The following BICRA variants were observed in gnomAD, a reference collection of about 807,000 sequenced individuals.
BICRA encodes BRD4-interacting chromatin-remodeling complex-associated protein.
A neutral mutation model predicts 96.9 loss-of-function variants in BICRA; 31 were observed. The ratio of observed to expected loss-of-function variants is 0.32; its 90% CI spans 0.24 to 0.43. The LOEUF is 0.43. BICRA is among the 20% of genes least tolerant of loss of function. BICRA has a pLI of 1.00. For synonymous variants in BICRA, 1,350 were observed against 1,071.8 expected, an observed-to-expected ratio of 1.26 and a Z score of -5.07; for missense variants, 2,283 against 2,190.3, an observed-to-expected ratio of 1.04 and a Z score of -0.84.
chr19:47,670,165 G>A (rs959621730), intron 1 of BICRA, among the ~76,000 whole-genome samples: 3 of 149,690 alleles, frequency 2.0e-5, no homozygotes, highest in Non-Finnish European at 3.0e-5. Flanking sequence ...GCCTAGCCAC[G>A]CTGGTCTCGA....
At chr19:47,672,015 A>G in intron 2 of BICRA, among the ~76,000 whole-genome samples, 1 of 122,008 alleles carries the variant, frequency 8.2e-6, no homozygotes, top group Admixed American at 8.5e-5. Context: ...ATTGGTAGGT[A>G]GATGTATGGA....
rs1056182439 is a variant in BICRA, at chr19:47,680,123, G to C, written c.953G>C (p.Gly318Ala). Residue 318 changes from glycine to alanine, a missense_variant, in exon 6 of 15, where the codon GGG becomes GCG. Gly to Ala is a moderately conservative substitution (Grantham distance 60). Coordinates refer to ENST00000594866, the MANE Select transcript of BICRA (RefSeq NM_001394372.1). The stretch of plus-strand genomic sequence containing the variant: ...GCGGGGGCCGCCTCGGCTCCCACCG[G>C]GACGCCCTCGGGACAGCCGCTGGCG... ...GGAGAASAPT[G>A]TPSGQPLAVA... is the part of the protein sequence containing the mutation. 105 of 1,525,740 alleles carry C rather than the reference G, an allele frequency of 6.9e-5. No individual in the cohort carries two copies. The highest frequency in any genetic ancestry group is 9.1e-5 in the Non-Finnish European group (104 of 1,147,808). 94.5% of individuals were successfully genotyped at this position (1,525,740 alleles called of 1,614,324 possible).
rs73940902 is a variant in BICRA at position 47,613,772 on chromosome 19, G to T, written c.-108+4604G>T. Reference sequence around the variant, plus strand: ...GGTTCCGTCCCTCGCATTCTCCTCTGCCTGGAGTACCACCAGTAGAGTTTT... The same window carrying T: ...GGTTCCGTCCCTCGCATTCTCCTCTTCCTGGAGTACCACCAGTAGAGTTTT... On this transcript the variant is annotated intron_variant, in intron 1 of 14. Transcript: ENST00000594866. Among the ~76,000 whole-genome samples the T allele has an allele frequency of 7.0e-3, 1,068 of 151,934 alleles. 21 individuals are homozygous for T. Among genetic ancestry groups the T allele is most frequent in the African/African-American group, 0.024 (996 of 41,286 alleles).
In BICRA at chr19:47,613,556, C is replaced by T. The variant is rs73940899; in HGVS notation, c.-108+4388C>T. The stretch of plus-strand genomic sequence containing the variant: ...TAGAAACAAGAGCAGTCACCCGTGC[C>T]GTGTCCACGATGACAACTGCTGCCT... On this transcript the variant is annotated intron_variant, in intron 1 of 14. Coordinates refer to ENST00000594866, the MANE Select transcript of BICRA (RefSeq NM_001394372.1). 6.8e-3 allele frequency among the ~76,000 whole-genome samples: 1,040 copies of T among 152,274 alleles called. 20 individuals carry two copies. Among genetic ancestry groups the T allele is most frequent in the African/African-American group, 0.023 (968 of 41,546 alleles).
intron 7 of BICRA, among the ~76,000 whole-genome samples, chr19:47,685,786 T>TGTGTGTGTGTGTGCGCGCGC: frequency 1.0e-4 from 12 of 117,968 alleles, no homozygotes; most frequent in African/African-American, 3.3e-4. Context: ...TGTGTGTGTG[T>TGTGTGTGTGTGTGCGCGCGC]GCGCGCGCGC....
chr19:47,613,764 TCTC>T (rs1222952896), intron 1 of BICRA, among the ~76,000 whole-genome samples: 1 of 151,870 alleles, frequency 6.6e-6, no homozygotes, highest in African/African-American at 2.4e-5. Flanking sequence ...TCCCTCGCAT[TCTC>T]CTCTGCCTGG....
intron 1 of BICRA, among the ~76,000 whole-genome samples, chr19:47,639,523 G>T (rs1199619942): frequency 1.3e-5 from 2 of 150,848 alleles, no homozygotes; most frequent in Non-Finnish European, 2.9e-5. Flanking sequence ...TAGAGACGGG[G>T]TTTCACCGTG....
In BICRA at chr19:47,635,841, C is replaced by T. The variant is rs76228153; in HGVS notation, c.-108+26673C>T. On this transcript the variant is annotated intron_variant, in intron 1 of 14. Transcript: ENST00000594866. ...AGATATACCACAGTTTGTTTACCCA[C>T]TTTTCTGCTGAAATGGATAAACTTG... Among the ~76,000 whole-genome samples, 1,057 of 152,278 alleles carry T rather than the reference C, an allele frequency of 6.9e-3. 20 individuals carry two copies. The highest frequency in any genetic ancestry group is 0.024 in the African/African-American group (987 of 41,546).
Position 47,675,483 on chromosome 19 carries a change from C to A in BICRA, c.85-368C>A, listed in dbSNP as rs1376060807. Among the ~76,000 whole-genome samples, 3 of 152,176 alleles carry A rather than the reference C, an allele frequency of 2.0e-5. No individual in the cohort carries two copies. The highest frequency in any genetic ancestry group is 4.4e-5 in the Non-Finnish European group (3 of 68,032). ...GAAAGGAGTACTTAGTGAGAAGGGA[C>A]AGGAGCTGTTGGACCACGAGTGACC... On this transcript the variant is annotated intron_variant, in intron 4 of 14. Coordinates refer to ENST00000594866, the MANE Select transcript of BICRA (RefSeq NM_001394372.1). This position sits in a 1 kb window ranked among gnomAD's most constrained non-coding sequence, Gnocchi z 4.7.
At chr19:47,648,111 C>T (rs1039761468) in intron 1 of BICRA, among the ~76,000 whole-genome samples, 11 of 151,894 alleles carry the variant, frequency 7.2e-5, no homozygotes, top group African/African-American at 2.2e-4. Context: ...ACCGTCTCCC[C>T]GTCCCTCTCT....
Position 47,702,020 on chromosome 19 carries a change from C to T in BICRA, c.4288C>T (p.Arg1430Cys), listed in dbSNP as rs772772146. The change falls in exon 15 of 15, where the codon CGC becomes TGC. Residue 1430 changes from arginine (R) to cysteine (C), a missense_variant. By Grantham distance (180) the Arg-to-Cys change is radical. Coordinates refer to ENST00000594866, the MANE Select transcript of BICRA (RefSeq NM_001394372.1). ...GGACGAGGCCACCAGCGGGCTCATC[C>T]GCGAGCTGGCGGCCGTGGAGGACGA... Reference protein sequence around the residue: ...KVDEATSGLIRELAAVEDELY... With the variant: ...KVDEATSGLICELAAVEDELY... 6 of 1,489,708 alleles carry T rather than the reference C, an allele frequency of 4.0e-6. No individual in the cohort carries two copies. Among genetic ancestry groups the T allele is most frequent in the South Asian group, 3.8e-5 (3 of 79,024 alleles). 92.3% of individuals were successfully genotyped at this position (1,489,708 alleles called of 1,614,324 possible). A position where few individuals can be genotyped will look rare whatever the true frequency, so the allele number is the denominator to read the frequency against.
intron 7 of BICRA, among the ~76,000 whole-genome samples, chr19:47,682,434 C>A (rs1160618296): frequency 6.6e-6 from 1 of 152,200 alleles, no homozygotes; most frequent in Non-Finnish European, 1.5e-5. Flanking sequence ...GTAATACATT[C>A]AGATAATTCA....
Position 47,675,799 on chromosome 19 carries a change from A to C in BICRA, c.85-52A>C. On this transcript the variant is annotated intron_variant, in intron 4 of 14. Coordinates refer to ENST00000594866, the MANE Select transcript of BICRA (RefSeq NM_001394372.1). This position sits in a 1 kb window ranked among gnomAD's most constrained non-coding sequence, Gnocchi z 4.7. ...CCTAAATTGGTTTCTGCTCCAGAGC[A>C]TGGGCCTGCCCTGCTGACTTTTGAC... is the stretch of plus-strand genomic sequence containing the variant. 1.4e-6 allele frequency: 2 copies of C among 1,445,648 alleles called. No homozygotes were observed. The highest frequency in any genetic ancestry group is 1.2e-5 in the South Asian group (1 of 84,230). 89.6% of individuals were successfully genotyped at this position (1,445,648 alleles called of 1,614,324 possible).
At chr19:47,677,757 C>T (rs924198457) in intron 5 of BICRA, among the ~76,000 whole-genome samples, 1 of 152,232 alleles carries the variant, frequency 6.6e-6, no homozygotes, top group Non-Finnish European at 1.5e-5. Flanking sequence ...CAGAAGTTCA[C>T]AAATGGGAGC....
At chr19:47,681,954 C>G (rs1406104329) in intron 6 of BICRA, 22 bp from the exon 7 acceptor site, 2 of 1,524,370 alleles carry the variant, frequency 1.3e-6, no homozygotes, top group Non-Finnish European at 1.8e-6. Flanking sequence ...CTTTCTGATC[C>G]TGTGCGGGCT....
At chr19:47,665,912 A>G (rs996367948) in intron 1 of BICRA, among the ~76,000 whole-genome samples, 1 of 152,246 alleles carries the variant, frequency 6.6e-6, no homozygotes, top group Non-Finnish European at 1.5e-5. Context: ...TGCGGCAAAC[A>G]GCACCAAAGT....
At chr19:47,693,745 C>T (rs1348880571) in intron 7 of BICRA, among the ~76,000 whole-genome samples, 1 of 152,200 alleles carries the variant, frequency 6.6e-6, no homozygotes, top group Non-Finnish European at 1.5e-5. Flanking sequence ...TGTGGTGCCC[C>T]TGCTGCCACC....
rs773926736 is a variant in BICRA, at chr19:47,702,034, C to T, written c.4302C>T (p.Ala1434=). Residue 1434 remains alanine (A), a synonymous_variant, in exon 15 of 15, where the codon GCC becomes GCT. Coordinates refer to ENST00000594866, the MANE Select transcript of BICRA (RefSeq NM_001394372.1). ...GCGGGCTCATCCGCGAGCTGGCGGC[C>T]GTGGAGGACGAGCTGTACCAGCGTA... ...ATSGLIRELA[A]VEDELYQRML... is the part of the protein sequence containing the mutation. 1.3e-6 allele frequency: 2 copies of T among 1,491,462 alleles called. No homozygotes were observed. The highest frequency in any genetic ancestry group is 1.8e-6 in the Non-Finnish European group (2 of 1,129,592). The allele number at this position is 1,491,462 out of a possible 1,614,324, so 92.4% of individuals were successfully genotyped here. A position where few individuals can be genotyped will look rare whatever the true frequency, so the allele number is the denominator to read the frequency against.
At position 47,675,883 on chromosome 19, in the gene BICRA, G is replaced by C; in HGVS notation, c.117G>C (p.Gly39=). ...LDSDDLLDNP[G]EAQSAFYEGP... ...GTGATGACCTCCTGGATAATCCCGG[G>C]GAGGCCCAAAGTGCCTTCTATGAAG... The change falls in exon 5 of 15, where the codon GGG becomes GGC. Residue 39 remains glycine, a synonymous_variant. Transcript: ENST00000594866. This position sits in a 1 kb window ranked among gnomAD's most constrained non-coding sequence, Gnocchi z 4.7. 3 of 1,608,856 alleles carry C rather than the reference G, an allele frequency of 1.9e-6. No individual in the cohort carries two copies. The highest frequency in any genetic ancestry group is 2.5e-6 in the Non-Finnish European group (3 of 1,177,464).
Sources: allele counts gnomAD v4.1 joint callset (sites outside exome capture counted in the v4.1 genomes callset), GRCh38; gene constraint gnomAD v4.1.1; non-coding constraint Gnocchi (gnomAD v3.1); transcripts MANE v1.5; gene names NCBI Gene and HGNC (gene_info 2026-07-23, HGNC 2026-07-21).